NRDC: variants seen among roughly 807,000 people sequenced by gnomAD.
The protein encoded by NRDC is nardilysin.
In NRDC, 54 loss-of-function variants were observed where a neutral mutation model predicts 147.1. The ratio of observed to expected loss-of-function variants is 0.37; its 90% confidence interval spans 0.29 to 0.46. The LOEUF is 0.46. Among genes scored for constraint, NRDC ranks in the 20% least tolerant of loss-of-function variants. The pLI, the probability that NRDC is intolerant of heterozygous loss-of-function variation, is 1.00. For missense variants in NRDC, 1,082 were observed against 1,370.6 expected (o/e 0.79, Z 3.33); for synonymous variants, 440 against 482.1 (o/e 0.91, Z 1.14).
intron 20 of NRDC, among the ~76,000 whole-genome samples, chr1:51,801,662 C>T (rs1163524529): frequency 1.3e-5 from 2 of 152,070 alleles, no homozygotes; most frequent in African/African-American, 2.4e-5. Context: ...CTCTAATAGC[C>T]AGAACCTCTA....
intron 1 of NRDC, among the ~76,000 whole-genome samples, chr1:51,877,291 A>C (rs1683379144): frequency 6.6e-6 from 1 of 152,172 alleles, no homozygotes; most frequent in Non-Finnish European, 1.5e-5. Flanking sequence ...TCAGAGCAAG[A>C]AGCAAACTCT....
intron 1 of NRDC, among the ~76,000 whole-genome samples, chr1:51,845,529 G>T (rs1681513025): frequency 1.3e-5 from 2 of 152,146 alleles, no homozygotes; most frequent in Admixed American, 1.3e-4. Context: ...GGAGGCGGAG[G>T]TTGCAGTGAG....
At chr1:51,813,261 A>C (rs1245350228) in intron 14 of NRDC, among the ~76,000 whole-genome samples, 1 of 152,212 alleles carries the variant, frequency 6.6e-6, no homozygotes, top group African/African-American at 2.4e-5. Context: ...TTCCAGAGGA[A>C]CGTAGTCAAT....
intron 1 of NRDC, among the ~76,000 whole-genome samples, chr1:51,875,170 A>T (rs1167728872): frequency 6.6e-6 from 1 of 152,234 alleles, no homozygotes; most frequent in South Asian, 2.1e-4. Context: ...AATTTGGATA[A>T]GTCTTTAAAG....
At chr1:51,816,652 C>T (rs941238121) in intron 10 of NRDC, among the ~76,000 whole-genome samples, 6 of 152,180 alleles carry the variant, frequency 3.9e-5, no homozygotes, top group African/African-American at 1.4e-4. Context: ...GGACACCAAA[C>T]TTATCTGCTC....
intron 2 of NRDC, 22 bp from the exon 3 acceptor site, chr1:51,836,234 C>A: frequency 3.7e-6 from 6 of 1,611,110 alleles, no homozygotes; most frequent in South Asian, 1.1e-5. Flanking sequence ...AGAACACATA[C>A]AAATAGTTGA....
intron 1 of NRDC, among the ~76,000 whole-genome samples, chr1:51,844,787 G>A (rs1329772662): frequency 2.1e-5 from 2 of 97,044 alleles, no homozygotes; most frequent in Non-Finnish European, 4.2e-5. Context: ...GGGGAGGGGG[G>A]AAGGGGAGGA....
chr1:51,844,730 C>A (rs1681449430), intron 1 of NRDC, among the ~76,000 whole-genome samples: 1 of 140,442 alleles, frequency 7.1e-6, no homozygotes, highest in South Asian at 2.4e-4. Context: ...GGCGACAGAG[C>A]AAGACTCAGG....
intron 4 of NRDC, among the ~76,000 whole-genome samples, chr1:51,833,475 G>T (rs543272345): frequency 3.4e-4 from 51 of 148,298 alleles, no homozygotes; most frequent in African/African-American, 1.1e-3. Context: ...TGAGTCAACA[G>T]AGAATACATA....
At position 51,810,424 on chromosome 1, in the gene NRDC, G is replaced by A. The variant is rs1679661485; in HGVS notation, c.1780-20C>T. On this transcript the variant is annotated intron_variant, in intron 15 of 30. Transcript: ENST00000352171. ...AATGACCTAGTAAAGTGGGAAGAGG[G>A]GAAAGAGATACACACAATTTTAACC... 2 of 1,603,192 alleles carry A rather than the reference G, an allele frequency of 1.2e-6. No individual in the cohort carries two copies. Among genetic ancestry groups the A allele is most frequent in the South Asian group, 2.3e-5 (2 of 88,782 alleles).
chr1:51,801,536 T>C (rs1172387231), intron 20 of NRDC, among the ~76,000 whole-genome samples: 1 of 152,198 alleles, frequency 6.6e-6, no homozygotes, highest in Non-Finnish European at 1.5e-5. Context: ...TGACCAGCCA[T>C]ATCACACCTA....
chr1:51,794,967 G>A, intron 22 of NRDC, 113 bp from the exon 23 acceptor site: 2 of 1,560,912 alleles, frequency 1.3e-6, no homozygotes, highest in Non-Finnish European at 1.7e-6. Context: ...CTTTAGGAAA[G>A]CAGATATAGT....
intron 5 of NRDC, 32 bp downstream of exon 5, chr1:51,827,764 A>T: frequency 6.4e-7 from 1 of 1,560,586 alleles, no homozygotes; most frequent in Non-Finnish European, 8.8e-7. Flanking sequence ...TGAAGGAAAA[A>T]ACTGTAGTTA....
intron 18 of NRDC, 76 bp downstream of exon 18, chr1:51,806,718 T>C: frequency 2.8e-6 from 4 of 1,436,996 alleles, no homozygotes; most frequent in Admixed American, 4.0e-5. Flanking sequence ...AGCAAGTAGA[T>C]AATCACATGT....
At chr1:51,877,340 T>G (rs1683381746) in intron 1 of NRDC, among the ~76,000 whole-genome samples, 1 of 152,078 alleles carries the variant, frequency 6.6e-6, no homozygotes, top group Non-Finnish European at 1.5e-5. Flanking sequence ...ACGAAGTTAT[T>G]GGACAATATG....
chr1:51,794,772 C>T (rs1382567539), intron 23 of NRDC, 51 bp downstream of exon 23: 18 of 1,606,866 alleles, frequency 1.1e-5, no homozygotes, highest in Non-Finnish European at 1.5e-5. Context: ...GGCTCCATGC[C>T]CTCTCGCTGG....
At chr1:51,827,925 T>G in intron 4 of NRDC, 56 bp from the exon 5 acceptor site, 1 of 1,327,862 alleles carries the variant, frequency 7.5e-7, no homozygotes, top group Non-Finnish European at 1.1e-6. Context: ...TCAATCAACA[T>G]CTATTATTTT....
intron 1 of NRDC, among the ~76,000 whole-genome samples, chr1:51,858,720 C>T (rs1212252683): frequency 6.6e-6 from 1 of 152,138 alleles, no homozygotes; most frequent in Non-Finnish European, 1.5e-5. Flanking sequence ...GCTCCATCTA[C>T]CCTGAACTCA....
intron 29 of NRDC, 47 bp from the exon 30 acceptor site, chr1:51,789,704 G>T: frequency 1.5e-6 from 2 of 1,358,268 alleles, no homozygotes; most frequent in Non-Finnish European, 2.1e-6. Context: ...AAGAAAGATA[G>T]CTCTTAAACC....
Sources: gnomAD v4.1 joint callset for allele counts (sites outside exome capture counted in the v4.1 genomes callset) on GRCh38, gnomAD v4.1.1 for gene constraint, MANE v1.5 for transcripts, NCBI Gene and HGNC (gene_info 2026-07-23, HGNC 2026-07-21) for gene names.